The following MSI2 variants were observed in gnomAD, a reference collection of about 807,000 sequenced individuals.
MSI2 encodes the protein musashi RNA binding protein 2, also known as RNA-binding protein Musashi homolog 2.
A neutral mutation model predicts 45.6 loss-of-function variants in MSI2; 17 were observed. The ratio of observed to expected loss-of-function variants is 0.37; its 90% CI spans 0.26 to 0.56. The LOEUF is 0.56. MSI2 is among the 20% of genes least tolerant of loss of function. The pLI is 0.77. For synonymous variants in MSI2, 156 were observed against 158.2 expected (o/e 0.99, Z 0.11); for missense variants, 293 against 444.2 (o/e 0.66, Z 3.06).
In MSI2 at chr17:57,681,675, T is replaced by C. The variant is rs1020368983; in HGVS notation, c.*2158T>C. 1.0e-5 allele frequency: 2 copies of C among 191,128 alleles called. No homozygotes were observed. Among genetic ancestry groups the C allele is most frequent in the Admixed American group, 6.1e-5 (1 of 16,302 alleles). The allele number at this position is 191,128 out of a possible 1,614,324, so 11.8% of individuals were successfully genotyped here. ...GTTCTTTGTTTTTCTAATAAAATGT[T>C]AGGTTGTTTGGTGAGGTTTTTTTGT... On this transcript the variant is annotated 3_prime_UTR_variant, in exon 14 of 14. Transcript: ENST00000284073.
chr17:57,454,530 T>C (rs1426510516), intron 6 of MSI2, among the ~76,000 whole-genome samples: 1 of 147,538 alleles, frequency 6.8e-6, no homozygotes, highest in Non-Finnish European at 1.5e-5. Flanking sequence ...TCCAACTCCC[T>C]GGTCCAGGCG....
the MSI2 span, among the ~76,000 whole-genome samples, chr17:57,698,896 T>A: frequency 3.8e-5 from 1 of 26,428 alleles, no homozygotes; most frequent in East Asian, 4.6e-4. Flanking sequence ...CAAGGAAGTG[T>A]GTGTGTGTGT....
rs62058128 is a variant in MSI2, at chr17:57,627,868, C to T, written c.727+565C>T. On this transcript the variant is annotated intron_variant, in intron 10 of 13. Transcript: ENST00000284073. This position sits in a 1 kb window ranked among gnomAD's most constrained non-coding sequence, Gnocchi z 4.6. ...CTGTTTAGATTATCCTTTCCCTCTG[C>T]GTGGGTATCAAGACTTGAGGCAGAG... 0.036 allele frequency: 5,563 copies of T among 154,594 alleles called. 160 individuals carry two copies. The highest frequency in any genetic ancestry group is 0.075 in the South Asian group (372 of 4,938). 9.6% of individuals were successfully genotyped at this position (154,594 alleles called of 1,614,324 possible). A position where few individuals can be genotyped will look rare whatever the true frequency, so the allele number is the denominator to read the frequency against.
intron 5 of MSI2, among the ~76,000 whole-genome samples, chr17:57,311,735 T>C (rs1170349638): frequency 1.3e-5 from 2 of 152,176 alleles, no homozygotes; most frequent in Non-Finnish European, 2.9e-5. Context: ...TAAAATTTTT[T>C]TGCAGAAATG....
At chr17:57,333,028 A>C (rs1362305851) in intron 5 of MSI2, among the ~76,000 whole-genome samples, 1 of 147,508 alleles carries the variant, frequency 6.8e-6, no homozygotes, top group Non-Finnish European at 1.5e-5. Flanking sequence ...CTGTGTCCAA[A>C]AAAAAGAAAA....
rs1362217543 is a variant in MSI2, at chr17:57,256,991, T to C, written c.63-107T>C. The C allele has an allele frequency of 7.2e-6, 11 of 1,536,344 alleles. No individual in the cohort carries two copies. In the East Asian group the frequency reaches 2.5e-4, roughly 35 times the overall value. On this transcript the variant is annotated intron_variant, in intron 1 of 13. Transcript: ENST00000284073. Reference sequence around the variant, plus strand: ...CTTCTCCCCCACCCCACCTCCCGGCTCTCGCTCGCTCGCTCCCCCCCGCTT... The same window carrying C: ...CTTCTCCCCCACCCCACCTCCCGGCCCTCGCTCGCTCGCTCCCCCCCGCTT...
intron 6 of MSI2, among the ~76,000 whole-genome samples, chr17:57,500,231 T>C (rs753834706): frequency 1.3e-5 from 2 of 152,064 alleles, no homozygotes; most frequent in Non-Finnish European, 2.9e-5. Flanking sequence ...TTGCCTGCAG[T>C]CACTCAGATC....
At position 57,257,145 on chromosome 17, in the gene MSI2, G is replaced by A; in HGVS notation, c.103+7G>A. ...AGCTGGCAGACCTCACCAGGTAAGG[G>A]AGGGAGGGGGGGACGCCTGGGTCCC... On this transcript the variant is annotated splice_region_variant and intron_variant, in intron 2 of 13. Transcript: ENST00000284073. 1 of 1,461,936 alleles carries A rather than the reference G, an allele frequency of 6.8e-7. No homozygotes were observed. The highest frequency in any genetic ancestry group is 9.4e-7 in the Non-Finnish European group (1 of 1,063,522). The allele number at this position is 1,461,936 out of a possible 1,614,324, so 90.6% of individuals were successfully genotyped here.
chr17:57,658,055 C>T (rs577871705), intron 11 of MSI2, among the ~76,000 whole-genome samples: 1 of 152,308 alleles, frequency 6.6e-6, no homozygotes, highest in East Asian at 1.9e-4. Flanking sequence ...CTGAAGATGG[C>T]TTTCCTGTGC....
At chr17:57,460,674 C>T (rs992013262) in intron 6 of MSI2, among the ~76,000 whole-genome samples, 2 of 152,028 alleles carry the variant, frequency 1.3e-5, no homozygotes, top group Non-Finnish European at 2.9e-5. Context: ...GGCGAGGAAC[C>T]ATGGCAGTAG....
intron 9 of MSI2, among the ~76,000 whole-genome samples, chr17:57,617,214 A>G (rs1274776594): frequency 6.6e-6 from 1 of 152,264 alleles, no homozygotes; most frequent in Non-Finnish European, 1.5e-5. Context: ...AAAAATGGCC[A>G]TGATGTTAAT....
chr17:57,257,640 G>A, intron 3 of MSI2, 93 bp downstream of exon 3: 1 of 912,394 alleles, frequency 1.1e-6, no homozygotes, highest in Non-Finnish European at 1.7e-6. Context: ...AAGCGGATTA[G>A]AATGGGGCTC....
intron 6 of MSI2, among the ~76,000 whole-genome samples, chr17:57,409,812 G>A (rs184712403): frequency 6.6e-6 from 1 of 152,014 alleles, no homozygotes; most frequent in Non-Finnish European, 1.5e-5. Flanking sequence ...TTCGAGACCA[G>A]CCTGGCCAAC....
At chr17:57,308,007 C>CA (rs970047411) in intron 5 of MSI2, among the ~76,000 whole-genome samples, 3 of 152,192 alleles carry the variant, frequency 2.0e-5, no homozygotes, top group Non-Finnish European at 2.9e-5. Context: ...TCAGTCAATG[C>CA]ATGAAGAATG....
intron 11 of MSI2, among the ~76,000 whole-genome samples, chr17:57,656,283 T>C (rs1911582966): frequency 6.6e-6 from 1 of 152,214 alleles, no homozygotes; most frequent in Non-Finnish European, 1.5e-5. Context: ...CTGAGGTCTC[T>C]GTTGATATCG....
chr17:57,388,601 A>G (rs2083726073), intron 5 of MSI2, among the ~76,000 whole-genome samples: 1 of 152,054 alleles, frequency 6.6e-6, no homozygotes, highest in Admixed American at 6.6e-5. Flanking sequence ...TTCCTTGTCA[A>G]CATCTAAGTG....
chr17:57,481,090 A>G (rs1000558043), intron 6 of MSI2, among the ~76,000 whole-genome samples: 2 of 152,186 alleles, frequency 1.3e-5, no homozygotes, highest in Non-Finnish European at 2.9e-5. Flanking sequence ...GGTAATTACA[A>G]ATGCCTTTAG....
chr17:57,670,458 G>A lies in MSI2; in HGVS notation c.791-4514G>A, dbSNP rs185539808. On this transcript the variant is annotated intron_variant, in intron 11 of 13. Transcript: ENST00000284073. Reference sequence around the variant, plus strand: ...TTACAGGTGAGAGTCTAAGCCTGCAGCATCTGTCTCTGTTAAGATCTCCAG... The same window carrying A: ...TTACAGGTGAGAGTCTAAGCCTGCAACATCTGTCTCTGTTAAGATCTCCAG... Among the ~76,000 whole-genome samples, 114 of 152,340 alleles carry A rather than the reference G, an allele frequency of 7.5e-4. 2 individuals are homozygous for A. In the East Asian group the frequency reaches 0.02, roughly 27 times the overall value.
chr17:57,313,496 G>A (rs1280059097), intron 5 of MSI2, among the ~76,000 whole-genome samples: 1 of 152,240 alleles, frequency 6.6e-6, no homozygotes, highest in African/African-American at 2.4e-5. Flanking sequence ...AGGGCTGGGG[G>A]CAGCATTTCT....
Sources: gnomAD v4.1 joint callset for allele counts (sites outside exome capture counted in the v4.1 genomes callset) on GRCh38, gnomAD v4.1.1 for gene constraint, Gnocchi (gnomAD v3.1) non-coding constraint, MANE v1.5 for transcripts, NCBI Gene and HGNC (gene_info 2026-07-23, HGNC 2026-07-21) for gene names.